Variants in IQGAP2 observed in about 807,000 individuals in gnomAD.
The protein encoded by IQGAP2 is IQ motif containing GTPase activating protein 2, also known as ras GTPase-activating-like protein IQGAP2.
IQGAP2 carries 173 observed loss-of-function variants against 201.3 expected under a neutral mutation model. That is an observed-to-expected ratio of 0.86 (90% confidence interval 0.76 to 0.98). The LOEUF (loss-of-function observed/expected upper bound fraction) is 0.98. Among genes scored for constraint, IQGAP2 ranks in the 50% least tolerant of loss-of-function variants. The pLI, the probability that IQGAP2 is intolerant of heterozygous loss-of-function variation, is 0.00. For synonymous variants in IQGAP2, 675 were observed against 673.9 expected (o/e 1.00, Z -0.03); for missense variants, 1,687 against 1,864.8 (o/e 0.90, Z 1.76).
intron 1 of IQGAP2, among the ~76,000 whole-genome samples, chr5:76,444,147 A>G (rs1753226010): frequency 6.6e-6 from 1 of 152,210 alleles, no homozygotes; most frequent in Non-Finnish European, 1.5e-5. Context: ...TCACATTGGG[A>G]GGCCAAGGCA....
At chr5:76,541,291 T>C (rs1042571385) in intron 2 of IQGAP2, among the ~76,000 whole-genome samples, 2 of 152,222 alleles carry the variant, frequency 1.3e-5, no homozygotes, top group Non-Finnish European at 2.9e-5. Context: ...TATGTGTCCT[T>C]TGGTGCCCAT....
intron 30 of IQGAP2, among the ~76,000 whole-genome samples, chr5:76,686,437 A>G (rs1745759790): frequency 6.6e-6 from 1 of 151,376 alleles, no homozygotes; most frequent in African/African-American, 2.4e-5. Flanking sequence ...AGTTAGGTCT[A>G]TTAACCCTTT....
chr5:76,461,935 C>T (rs77984877), intron 2 of IQGAP2, among the ~76,000 whole-genome samples: 5,060 of 152,314 alleles, frequency 0.033, 283 homozygotes, highest in African/African-American at 0.12. Context: ...GCACATCACA[C>T]TCCTGTGCAT....
At chr5:76,530,501 A>G (rs1759231395) in intron 2 of IQGAP2, among the ~76,000 whole-genome samples, 3 of 152,238 alleles carry the variant, frequency 2.0e-5, no homozygotes, top group South Asian at 2.1e-4. Context: ...TCAGCTTTCT[A>G]AAATATTTGG....
intron 26 of IQGAP2, 50 bp downstream of exon 26, chr5:76,674,086 C>CA: frequency 1.0e-6 from 1 of 975,072 alleles, no homozygotes; most frequent in Non-Finnish European, 1.7e-6. Flanking sequence ...GGGTATGAAT[C>CA]AAAATTACCA....
intron 5 of IQGAP2, among the ~76,000 whole-genome samples, chr5:76,586,558 G>T (rs1020480335): frequency 1.3e-5 from 2 of 152,158 alleles, no homozygotes; most frequent in Non-Finnish European, 2.9e-5. Flanking sequence ...ATAACATCTT[G>T]TTGCTATCAG....
At chr5:76,517,604 CAAAAAAAAA>C (rs36102224) in intron 2 of IQGAP2, among the ~76,000 whole-genome samples, 1 of 83,286 alleles carries the variant, frequency 1.2e-5, no homozygotes, top group African/African-American at 4.0e-5. Flanking sequence ...GACCCTGTTT[CAAAAAAAAA>C]AAAAAAAAAA....
chr5:76,565,906 C>A (rs1744715185), intron 3 of IQGAP2, among the ~76,000 whole-genome samples: 1 of 152,152 alleles, frequency 6.6e-6, no homozygotes, highest in Non-Finnish European at 1.5e-5. Context: ...CTGAGTCAGG[C>A]AGCATCTCTT....
At chr5:76,607,157 T>C (rs934038404) in intron 12 of IQGAP2, 4 of 152,236 alleles carry the variant, frequency 2.6e-5, no homozygotes, top group African/African-American at 9.6e-5. Flanking sequence ...TATTATGTTT[T>C]ATTTTAGTGT....
intron 1 of IQGAP2, among the ~76,000 whole-genome samples, chr5:76,444,016 A>T (rs1057267384): frequency 2.7e-5 from 4 of 150,374 alleles, no homozygotes; most frequent in African/African-American, 9.7e-5. Flanking sequence ...CTGCCCTCCA[A>T]GTGTATTGTA....
At chr5:76,609,087 A>G (rs180679121) in intron 12 of IQGAP2, 5 of 1,534,326 alleles carry the variant, frequency 3.3e-6, no homozygotes, top group Admixed American at 2.0e-5. Context: ...GTCATTCACT[A>G]TGACCTCAGC....
intron 30 of IQGAP2, among the ~76,000 whole-genome samples, chr5:76,690,133 T>G (rs1746138726): frequency 6.6e-6 from 1 of 152,208 alleles, no homozygotes; most frequent in Admixed American, 6.5e-5. Context: ...GCGCCAGTAC[T>G]CTAAGCAGTT....
intron 2 of IQGAP2, among the ~76,000 whole-genome samples, chr5:76,526,256 A>G (rs1326036067): frequency 6.6e-6 from 1 of 152,242 alleles, no homozygotes; most frequent in Non-Finnish European, 1.5e-5. Flanking sequence ...TGTACAAATG[A>G]TGACTTGAAG....
chr5:76,544,111 C>G (rs1742951129), intron 2 of IQGAP2, among the ~76,000 whole-genome samples: 1 of 152,166 alleles, frequency 6.6e-6, no homozygotes, highest in Admixed American at 6.5e-5. Context: ...GCCACGCTTT[C>G]CTGGCAGCCT....
intron 12 of IQGAP2, chr5:76,609,368 C>T: frequency 1.3e-6 from 1 of 743,852 alleles, no homozygotes; most frequent in East Asian, 2.7e-5. Context: ...AGAGTTCTGT[C>T]AATGTTTACA....
At chr5:76,504,463 A>G (rs1181662704) in intron 2 of IQGAP2, among the ~76,000 whole-genome samples, 1 of 152,180 alleles carries the variant, frequency 6.6e-6, no homozygotes, top group Non-Finnish European at 1.5e-5. Flanking sequence ...CTAAGTGCGA[A>G]AGTCCTGGGC....
chr5:76,512,500 T>C (rs1321879823), intron 2 of IQGAP2, among the ~76,000 whole-genome samples: 1 of 152,210 alleles, frequency 6.6e-6, no homozygotes, highest in Non-Finnish European at 1.5e-5. Flanking sequence ...CTTTAAGAGA[T>C]AACTTGGGCT....
intron 8 of IQGAP2, among the ~76,000 whole-genome samples, chr5:76,592,250 C>T (rs923531042): frequency 6.6e-6 from 1 of 152,272 alleles, no homozygotes; most frequent in African/African-American, 2.4e-5. Flanking sequence ...CTTCAGCTGA[C>T]CCCCTCATCT....
chr5:76,619,813 C>A (rs561706200), intron 13 of IQGAP2, among the ~76,000 whole-genome samples: 1 of 152,060 alleles, frequency 6.6e-6, no homozygotes, highest in African/African-American at 2.4e-5. Context: ...CCACCGCGCC[C>A]GGCCAGTTAA....
Sources: gnomAD v4.1 joint callset for allele counts (sites outside exome capture counted in the v4.1 genomes callset) on GRCh38, gnomAD v4.1.1 for gene constraint, MANE v1.5 for transcripts, NCBI Gene and HGNC (gene_info 2026-07-23, HGNC 2026-07-21) for gene names.